The following PRR16 variants were observed in gnomAD, a reference collection of about 807,000 sequenced individuals.
PRR16 encodes proline rich 16, also known as protein Largen.
In PRR16, 6 loss-of-function variants were observed where a neutral mutation model predicts 18.2. The ratio of observed to expected loss-of-function variants is 0.33; its 90% confidence interval spans 0.18 to 0.65. PRR16 has a LOEUF of 0.65. PRR16 is among the 30% of genes least tolerant of loss of function. The pLI is 0.74. For synonymous variants in PRR16, 151 were observed against 147.8 expected, an observed-to-expected ratio of 1.02 and a Z score of -0.16; for missense variants, 412 against 376.6, an observed-to-expected ratio of 1.09 and a Z score of -0.78.
chr5:120,658,765 T>G (rs554149716), intron 1 of PRR16, among the ~76,000 whole-genome samples: 1 of 152,136 alleles, frequency 6.6e-6, no homozygotes, highest in African/African-American at 2.4e-5. Flanking sequence ...ATTTTTCTAA[T>G]TATATGAGAG....
chr5:120,724,677 C>G, the PRR16 span, among the ~76,000 whole-genome samples: 1 of 151,994 alleles, frequency 6.6e-6, no homozygotes, highest in African/African-American at 2.4e-5. Flanking sequence ...CAATGTCACT[C>G]CTTCAGGGGA....
chr5:120,761,693 A>C, the PRR16 span, among the ~76,000 whole-genome samples: 278 of 152,214 alleles, frequency 1.8e-3, no homozygotes, highest in Middle Eastern at 6.8e-3. Context: ...TTAAAGATAT[A>C]CATTATCATT....
chr5:120,483,655 A>T (rs1441567171), intron 1 of PRR16, among the ~76,000 whole-genome samples: 1 of 152,150 alleles, frequency 6.6e-6, no homozygotes, highest in Non-Finnish European at 1.5e-5. Context: ...AACAGAAGAA[A>T]CTAATTTTTA....
intron 1 of PRR16, among the ~76,000 whole-genome samples, chr5:120,528,093 C>G (rs72788245): frequency 0.023 from 3,525 of 152,232 alleles, 51 homozygotes; most frequent in Non-Finnish European, 0.031. Flanking sequence ...CTTATATTCT[C>G]CTGCCATGCA....
At chr5:120,634,248 C>A (rs1271615970) in intron 1 of PRR16, among the ~76,000 whole-genome samples, 1 of 152,090 alleles carries the variant, frequency 6.6e-6, no homozygotes, top group Non-Finnish European at 1.5e-5. Flanking sequence ...GTGACACAAC[C>A]TATCACTACT....
At chr5:120,488,802 C>T (rs1422291709) in intron 1 of PRR16, among the ~76,000 whole-genome samples, 1 of 151,940 alleles carries the variant, frequency 6.6e-6, no homozygotes, top group African/African-American at 2.4e-5. Flanking sequence ...ATAAATTTCC[C>T]TCTACACACT....
downstream of PRR16, among the ~76,000 whole-genome samples, chr5:120,691,652 C>T (rs1868459): frequency 6.6e-6 from 1 of 151,894 alleles, no homozygotes; most frequent in Non-Finnish European, 1.5e-5. Flanking sequence ...ACCTCTAAAG[C>T]GTGCTTACAA....
At chr5:120,473,685 C>T (rs1028697485) in intron 1 of PRR16, among the ~76,000 whole-genome samples, 1 of 152,120 alleles carries the variant, frequency 6.6e-6, no homozygotes, top group African/African-American at 2.4e-5. Flanking sequence ...ACACCAGGCA[C>T]TGTTCTAGTT....
At chr5:120,472,848 G>C (rs1391614250) in intron 1 of PRR16, among the ~76,000 whole-genome samples, 1 of 152,100 alleles carries the variant, frequency 6.6e-6, no homozygotes, top group Non-Finnish European at 1.5e-5. Context: ...GTGTCTGAAA[G>C]TTAACTCTTT....
chr5:120,679,647 A>T (rs1026139819), intron 1 of PRR16, among the ~76,000 whole-genome samples: 16 of 152,154 alleles, frequency 1.1e-4, no homozygotes, highest in African/African-American at 3.9e-4. Context: ...AGCTAATGTT[A>T]GATATTTACT....
intron 1 of PRR16, among the ~76,000 whole-genome samples, chr5:120,656,025 G>C (rs1412982212): frequency 1.3e-5 from 2 of 151,782 alleles, no homozygotes; most frequent in African/African-American, 4.8e-5. Context: ...GTTGCCACCA[G>C]GTGGTGCCAA....
chr5:120,555,101 G>T (rs943303865), intron 1 of PRR16, among the ~76,000 whole-genome samples: 1 of 151,890 alleles, frequency 6.6e-6, no homozygotes. Context: ...TAAATATCTA[G>T]TGTTTATTTA....
intron 1 of PRR16, among the ~76,000 whole-genome samples, chr5:120,560,236 A>G (rs1752534602): frequency 6.6e-6 from 1 of 151,868 alleles, no homozygotes; most frequent in Non-Finnish European, 1.5e-5. Context: ...AAAGGCTTTC[A>G]GTTTTTTCTT....
intron 1 of PRR16, among the ~76,000 whole-genome samples, chr5:120,515,574 C>G: frequency 6.6e-6 from 1 of 152,018 alleles, no homozygotes; most frequent in Non-Finnish European, 1.5e-5. Flanking sequence ...GTTAAATAAC[C>G]TCAGGGATAC....
chr5:120,754,653 TATATA>T, the PRR16 span, among the ~76,000 whole-genome samples: 2 of 133,216 alleles, frequency 1.5e-5, no homozygotes. Context: ...ATTTATATAT[TATATA>T]TTAAGCAGAA....
intron 1 of PRR16, among the ~76,000 whole-genome samples, chr5:120,620,311 T>C (rs748513114): frequency 2.0e-5 from 3 of 152,148 alleles, no homozygotes; most frequent in Non-Finnish European, 4.4e-5. Context: ...GAAGTTGTAA[T>C]GGTGAAACAG....
intron 1 of PRR16, among the ~76,000 whole-genome samples, chr5:120,654,771 T>C (rs1232125420): frequency 2.6e-5 from 4 of 151,860 alleles, no homozygotes; most frequent in African/African-American, 9.7e-5. Context: ...ATTATGACCA[T>C]GTTTAAAACT....
chr5:120,482,762 T>A (rs1561508946), intron 1 of PRR16, among the ~76,000 whole-genome samples: 1 of 152,168 alleles, frequency 6.6e-6, no homozygotes, highest in Non-Finnish European at 1.5e-5. Context: ...GAACCTTGTA[T>A]GCCTTTTATG....
intron 1 of PRR16, among the ~76,000 whole-genome samples, chr5:120,515,172 G>T: frequency 6.6e-6 from 1 of 152,250 alleles, no homozygotes; most frequent in African/African-American, 2.4e-5. Flanking sequence ...GGGTGAGAGA[G>T]AACACATAAG....
Sources: allele counts gnomAD v4.1 joint callset (sites outside exome capture counted in the v4.1 genomes callset), GRCh38; gene constraint gnomAD v4.1.1; transcripts MANE v1.5; gene names NCBI Gene and HGNC (gene_info 2026-07-23, HGNC 2026-07-21).